KLHL35: variants seen among roughly 807,000 people sequenced by gnomAD.
KLHL35 encodes the protein kelch-like protein 35.
Under a neutral mutation model 44.0 loss-of-function variants are expected in KLHL35, and 50 were observed. That is an observed-to-expected ratio of 1.14 (90% confidence interval 0.91 to 1.44). The LOEUF is 1.44. Among genes scored for constraint, KLHL35 ranks in the 40% most tolerant of loss-of-function variants. KLHL35 has a pLI of 0.00. For missense variants in KLHL35, 1,049 were observed against 887.8 expected (o/e 1.18, Z -2.31); for synonymous variants, 470 against 410.4 (o/e 1.15, Z -1.76).
chr11:75,425,383 C>T lies in KLHL35; in HGVS notation c.1374+10G>A, dbSNP rs1243578525. 5 of 1,537,604 alleles carry T rather than the reference C, an allele frequency of 3.3e-6. No individual in the cohort carries two copies. Among genetic ancestry groups the T allele is most frequent in the Admixed American group, 3.9e-5 (2 of 51,052 alleles). ...TTCAACGCCCTCTCGCGCCTGAGGC[C>T]CACGCCCACCTTGTCCGTGTTGACG... On this transcript the variant is annotated intron_variant, in intron 5 of 6. Coordinates refer to ENST00000539798, the MANE Select transcript of KLHL35 (RefSeq NM_001039548.3).
At chr11:75,427,555 T>C (rs1948502014) in intron 3 of KLHL35, among the ~76,000 whole-genome samples, 1 of 152,238 alleles carries the variant, frequency 6.6e-6, no homozygotes, top group Non-Finnish European at 1.5e-5. Context: ...TGGTAATCTG[T>C]GGCCTGGATG....
chr11:75,432,115 A>G (rs1252831400), intron 1 of KLHL35, among the ~76,000 whole-genome samples: 1 of 152,102 alleles, frequency 6.6e-6, no homozygotes, highest in Non-Finnish European at 1.5e-5. Flanking sequence ...CTCTGCTTGC[A>G]CACCTCCAGG....
rs931980907 is a variant in KLHL35, at chr11:75,426,642, G to C, written c.1067-4C>G. 1.3e-5 allele frequency: 20 copies of C among 1,574,046 alleles called. 1 individual carries two copies. Among genetic ancestry groups the C allele is most frequent in the African/African-American group, 1.2e-4 (9 of 74,268 alleles). On this transcript the variant is annotated splice_region_variant and splice_polypyrimidine_tract_variant and intron_variant, in intron 3 of 6. Coordinates refer to ENST00000539798, the MANE Select transcript of KLHL35 (RefSeq NM_001039548.3). ...TCATGACTGTTGATGTGGCCTCCTA[G>C]GGAGAGAGAAGCAGCTGTTGCCCAT...
In KLHL35 at chr11:75,427,875, TG is replaced by T. The variant is rs149177779; in HGVS notation, c.1066+566del. On this transcript the variant is annotated intron_variant, in intron 3 of 6. Transcript: ENST00000539798. Reference sequence around the variant, plus strand: ...GGCATTCCAGATCATCTGGGGACTCTGAGAATTCTGATCACATTCTGCCTGG... The same window carrying T: ...GGCATTCCAGATCATCTGGGGACTCTAGAATTCTGATCACATTCTGCCTGG... Among the ~76,000 whole-genome samples the T allele has an allele frequency of 2.2e-3, 336 of 152,352 alleles. 1 individual carries two copies. The highest frequency in any genetic ancestry group is 5.7e-3 in the Admixed American group (87 of 15,304).
rs1948520120 is a variant in KLHL35, at chr11:75,429,940, G to C, written c.690C>G (p.Ala230=). 2 of 1,457,762 alleles carry C rather than the reference G, an allele frequency of 1.4e-6. No individual in the cohort carries two copies. The highest frequency in any genetic ancestry group is 1.5e-5 in the African/African-American group (1 of 67,436). 90.3% of individuals were successfully genotyped at this position (1,457,762 alleles called of 1,614,324 possible). Residue 230 remains alanine (A), a synonymous_variant, in exon 2 of 7, where the codon GCC becomes GCG. Coordinates refer to ENST00000539798, the MANE Select transcript of KLHL35 (RefSeq NM_001039548.3). ...GCAGGCGTCGCAGCTGGCCGCGGCG[G>C]GCCGGCGCGTCGTGGCGCACCCAGC... ...AMRWVRHDAP[A]RRGQLRRLLE...
In KLHL35 at chr11:75,430,491, C is replaced by T. The variant is rs751733513; in HGVS notation, c.139G>A (p.Ala47Thr). 5 of 1,408,606 alleles carry T rather than the reference C, an allele frequency of 3.5e-6. No individual in the cohort carries two copies. Among genetic ancestry groups the T allele is most frequent in the South Asian group, 1.5e-5 (1 of 67,706 alleles). 87.3% of individuals were successfully genotyped at this position (1,408,606 alleles called of 1,614,324 possible). ...SGTLTDVVLR[A>T]GGRDFPCHRA... ...TGGCACGGAAAGTCGCGCCCGCCGG[C>T]GCGCAGCACCACGTCGGTGAGGGTG... Residue 47 changes from alanine to threonine, a missense_variant, in exon 2 of 7, where the codon GCC (alanine) becomes ACC (threonine). Ala to Thr is a moderately conservative substitution (Grantham distance 58). Coordinates refer to ENST00000539798, the MANE Select transcript of KLHL35 (RefSeq NM_001039548.3).
rs1268856124 is a variant in KLHL35, at chr11:75,425,528, GCGCTCCA to G, written c.1232_1238del (p.Val411AlafsTer19). ...CCCAGGTGTTGGAGAAGGGGTCGTA[GCGCTCCA>G]CGCTGTGCAGGCGCCTCAGGCCGTC... On this transcript the variant is annotated frameshift_variant, in exon 5 of 7. Transcript: ENST00000539798. LOFTEE classifies it high-confidence loss of function. The G allele has an allele frequency of 6.5e-7, 1 of 1,544,678 alleles. No individual in the cohort carries two copies. Among genetic ancestry groups the G allele is most frequent in the Admixed American group, 2.1e-5 (1 of 47,270 alleles).
In KLHL35 at chr11:75,425,628, G is replaced by A. The variant is rs146829257; in HGVS notation, c.1186-47C>T. Reference sequence around the variant, plus strand: ...GGGGAGCCGGGTGCCAGGGCCTTAGGGCCCTCGGCCTCATCGCTTCAGTCC... The same window carrying A: ...GGGGAGCCGGGTGCCAGGGCCTTAGAGCCCTCGGCCTCATCGCTTCAGTCC... On this transcript the variant is annotated intron_variant, in intron 4 of 6. Transcript: ENST00000539798. 4.4e-5 allele frequency: 61 copies of A among 1,395,282 alleles called. No individual in the cohort carries two copies. In the East Asian group the frequency reaches 1.7e-3, roughly 39 times the overall value. The allele number at this position is 1,395,282 out of a possible 1,614,324, so 86.4% of individuals were successfully genotyped here. A position where few individuals can be genotyped will look rare whatever the true frequency, so the allele number is the denominator to read the frequency against.
chr11:75,427,611 C>T (rs1331849958), intron 3 of KLHL35, among the ~76,000 whole-genome samples: 5 of 152,204 alleles, frequency 3.3e-5, no homozygotes, highest in Admixed American at 2.6e-4. Flanking sequence ...TTACTCTTTG[C>T]AGGCACCCAT....
At chr11:75,427,721 G>A (rs1948502901) in intron 3 of KLHL35, among the ~76,000 whole-genome samples, 1 of 152,178 alleles carries the variant, frequency 6.6e-6, no homozygotes, top group African/African-American at 2.4e-5. Flanking sequence ...GCACTTCAGA[G>A]CCCTGAGTCC....
chr11:75,426,863 A>G, intron 3 of KLHL35: 1 of 422,074 alleles, frequency 2.4e-6, no homozygotes, highest in Non-Finnish European at 4.4e-6. Flanking sequence ...TGACACATTC[A>G]GGAAGAAGGG....
Position 75,430,233 on chromosome 11 carries a change from G to C in KLHL35, c.397C>G (p.Leu133Val). Residue 133 changes from leucine to valine, a missense_variant, in exon 2 of 7, where the codon CTG (leucine) becomes GTG (valine). Transcript: ENST00000539798. Reference sequence around the variant, plus strand: ...GCCTCGCGCAGGCCCGCCACGCCCAGCCGCTCCGCCAGCGCCAGCACGGCC... The same window carrying C: ...GCCTCGCGCAGGCCCGCCACGCCCACCCGCTCCGCCAGCGCCAGCACGGCC... ...AAAVLALAER[L>V]GVAGLREACV... 1 of 1,218,442 alleles carries C rather than the reference G, an allele frequency of 8.2e-7. No individual in the cohort carries two copies. The highest frequency in any genetic ancestry group is 1.0e-6 in the Non-Finnish European group (1 of 976,132). The allele number at this position is 1,218,442 out of a possible 1,614,324, so 75.5% of individuals were successfully genotyped here. A position where few individuals can be genotyped will look rare whatever the true frequency, so the allele number is the denominator to read the frequency against.
chr11:75,425,727 G>A (rs1948486221), intron 4 of KLHL35, 146 bp from the exon 5 acceptor site: 1 of 667,786 alleles, frequency 1.5e-6, no homozygotes, highest in Admixed American at 3.9e-5. Context: ...CGAGCCCAGT[G>A]CTGCCACCAC....
chr11:75,428,336 A>C, intron 3 of KLHL35, 106 bp downstream of exon 3: 1 of 1,332,020 alleles, frequency 7.5e-7, no homozygotes. Flanking sequence ...AGGTTATCAG[A>C]AAACATCCCG....
At chr11:75,425,986 C>T (rs540744417) in intron 4 of KLHL35, 4 of 161,630 alleles carry the variant, frequency 2.5e-5, no homozygotes, top group Admixed American at 1.3e-4. Flanking sequence ...GACAAAGTCT[C>T]GCTCTGTTGC....
intron 4 of KLHL35, chr11:75,425,893 C>G: frequency 3.0e-6 from 1 of 329,100 alleles, no homozygotes. Flanking sequence ...TACCACCCCA[C>G]TTAATTGATT....
In KLHL35 at chr11:75,422,663, CA is replaced by C; in HGVS notation, c.1668del (p.Ser556ArgfsTer63). 6.2e-7 allele frequency: 1 copy of C among 1,614,026 alleles called. No individual in the cohort carries two copies. The highest frequency in any genetic ancestry group is 8.5e-7 in the Non-Finnish European group (1 of 1,179,902). Reference sequence around the variant, plus strand: ...AGGGATGGCTGGACCTCCACCTGCCCACTGCTGGGGTCAAAGGTGAAGACCT... The same window carrying C: ...AGGGATGGCTGGACCTCCACCTGCCCCTGCTGGGGTCAAAGGTGAAGACCT... ...TDKVFTFDPS[S>X]GQVEVQPSLQ... On this transcript the variant is annotated frameshift_variant, in exon 7 of 7. Coordinates refer to ENST00000539798, the MANE Select transcript of KLHL35 (RefSeq NM_001039548.3). LOFTEE classifies it high-confidence loss of function.
At position 75,425,678 on chromosome 11, in the gene KLHL35, T is replaced by G. The variant is rs1948485618; in HGVS notation, c.1186-97A>C. ...CTTACAGTCTTTGAGCTGGAAACTATCCCTGTCCCCAACCCAGTTTCAGGA... is the reference window on the plus strand; with the variant it reads ...CTTACAGTCTTTGAGCTGGAAACTAGCCCTGTCCCCAACCCAGTTTCAGGA... On this transcript the variant is annotated intron_variant, in intron 4 of 6. Transcript: ENST00000539798. The G allele has an allele frequency of 3.5e-6, 4 of 1,136,706 alleles. No individual in the cohort carries two copies. The African/African-American group carries it at 4.9e-5, about 14-fold the overall frequency. 70.4% of individuals were successfully genotyped at this position (1,136,706 alleles called of 1,614,324 possible).
chr11:75,423,019 G>A (rs1477698491), intron 6 of KLHL35: 14 of 518,554 alleles, frequency 2.7e-5, no homozygotes, highest in African/African-American at 3.8e-5. Context: ...AAGAACTAAA[G>A]TGCCTTCTTC....
Sources: allele counts gnomAD v4.1 joint callset (sites outside exome capture counted in the v4.1 genomes callset), GRCh38; gene constraint gnomAD v4.1.1; transcripts MANE v1.5; gene names NCBI Gene and HGNC (gene_info 2026-07-23, HGNC 2026-07-21).